Variants in SLCO4C1 observed in about 807,000 individuals in gnomAD.
SLCO4C1 encodes organic anion transporter M1.
SLCO4C1 carries 58 observed loss-of-function variants against 72.1 expected under a neutral mutation model. The ratio of observed to expected loss-of-function variants is 0.80; its 90% confidence interval spans 0.65 to 1.00. SLCO4C1 has a LOEUF of 1.00. SLCO4C1 is among the 50% of genes least tolerant of loss of function. SLCO4C1 has a pLI of 0.00. For synonymous variants in SLCO4C1, 297 were observed against 312.5 expected (o/e 0.95, Z 0.52); for missense variants, 898 against 857.9 (o/e 1.05, Z -0.58).
In SLCO4C1 at chr5:102,237,011, A is replaced by G. The variant is rs763713460; in HGVS notation, c.2022T>C (p.Thr674=). 1.3e-6 allele frequency: 2 copies of G among 1,589,616 alleles called. No individual in the cohort carries two copies. Among genetic ancestry groups the G allele is most frequent in the Admixed American group, 3.7e-5 (2 of 54,430 alleles). ...TGAAGAACATGGTGATAACTTTACA[A>G]GTAACACCTAAGTGAAAAAAAAAAT... ...MAHMLVAISV[T]CKVITMFFNG... The change falls in exon 13 of 13, where the codon ACT becomes ACC. Residue 674 remains threonine (T), a synonymous_variant. Coordinates refer to ENST00000310954, the MANE Select transcript of SLCO4C1 (RefSeq NM_180991.5).
In SLCO4C1 at chr5:102,257,209, A is replaced by C; in HGVS notation, c.1375T>G (p.Phe459Val). Reference sequence around the variant, plus strand: ...AGCGTAAGTGCAACTCCAGATGTGAACAGTGCAAACTTCATTGTGTTTTTA... The same window carrying C: ...AGCGTAAGTGCAACTCCAGATGTGACCAGTGCAAACTTCATTGTGTTTTTA... ...TCKNTMKFAL[F>V]TSGVALTLSF... is the part of the protein sequence containing the mutation. Residue 459 changes from phenylalanine to valine, a missense_variant, in exon 8 of 13, where the codon TTC (phenylalanine) becomes GTC (valine). Coordinates refer to ENST00000310954, the MANE Select transcript of SLCO4C1 (RefSeq NM_180991.5). The C allele has an allele frequency of 6.2e-7, 1 of 1,611,816 alleles. No individual in the cohort carries two copies. Among genetic ancestry groups the C allele is most frequent in the Non-Finnish European group, 8.5e-7 (1 of 1,179,188 alleles).
intron 2 of SLCO4C1, among the ~76,000 whole-genome samples, chr5:102,287,722 C>A (rs1192689586): frequency 2.0e-5 from 3 of 149,848 alleles, no homozygotes; most frequent in Non-Finnish European, 4.5e-5. Context: ...TTTTTTTTTT[C>A]TTTTTGTATT....
At chr5:102,246,152 A>G (rs1238606789) in intron 10 of SLCO4C1, among the ~76,000 whole-genome samples, 2 of 151,970 alleles carry the variant, frequency 1.3e-5, no homozygotes, top group Non-Finnish European at 2.9e-5. Context: ...CAAACCTAAA[A>G]TTAGTAGAAG....
Position 102,265,005 on chromosome 5 carries a change from G to A in SLCO4C1, c.803-1225C>T, listed in dbSNP as rs149111266. Among the ~76,000 whole-genome samples, 14 of 151,338 alleles carry A rather than the reference G, an allele frequency of 9.3e-5. No individual in the cohort carries two copies. In the East Asian group the frequency reaches 1.7e-3, roughly 19 times the overall value. On this transcript the variant is annotated intron_variant, in intron 3 of 12. Coordinates refer to ENST00000310954, the MANE Select transcript of SLCO4C1 (RefSeq NM_180991.5). Reference sequence around the variant, plus strand: ...TAGTATCCTGTTGTATATACATTTCGCATTTTCTTTATTCATCTGTTGACG... The same window carrying A: ...TAGTATCCTGTTGTATATACATTTCACATTTTCTTTATTCATCTGTTGACG...
chr5:102,257,966 G>C lies in SLCO4C1; in HGVS notation c.1250C>G (p.Ser417Cys). The stretch of plus-strand genomic sequence containing the variant: ...ACCTCCAAGAGTAGCTGCGAAGCTG[G>C]ATGTCAATCCGAATTGATTTTCTAT... ...KFIENQFGLT[S>C]SFAATLGGAV... is the part of the protein sequence containing the mutation. Residue 417 changes from serine (S) to cysteine (C), a missense_variant, in exon 7 of 13, where the codon TCC (serine) becomes TGC (cysteine). Coordinates refer to ENST00000310954, the MANE Select transcript of SLCO4C1 (RefSeq NM_180991.5). 1 of 1,605,478 alleles carries C rather than the reference G, an allele frequency of 6.2e-7. No homozygotes were observed. The highest frequency in any genetic ancestry group is 8.5e-7 in the Non-Finnish European group (1 of 1,177,416).
intron 2 of SLCO4C1, among the ~76,000 whole-genome samples, chr5:102,279,042 C>T (rs934083157): frequency 1.2e-4 from 18 of 151,412 alleles, no homozygotes; most frequent in African/African-American, 4.4e-4. Context: ...ATCAATGAAA[C>T]TAAAAGTTCA....
intron 8 of SLCO4C1, among the ~76,000 whole-genome samples, chr5:102,250,421 C>A (rs1177694583): frequency 6.6e-6 from 1 of 152,064 alleles, no homozygotes. Context: ...TCCCTTATAC[C>A]TCATTTATTT....
chr5:102,290,142 G>A (rs1749525594), intron 2 of SLCO4C1, among the ~76,000 whole-genome samples: 2 of 152,202 alleles, frequency 1.3e-5, no homozygotes, highest in Non-Finnish European at 2.9e-5. Context: ...ACTCAGGGCA[G>A]AAGGCAAAGG....
At chr5:102,248,742 C>A (rs56121549) in intron 9 of SLCO4C1, among the ~76,000 whole-genome samples, 17,879 of 152,072 alleles carry the variant, frequency 0.12, 1,253 homozygotes, top group African/African-American at 0.16. Context: ...GTATATATTT[C>A]CCTTAGATCC....
intron 2 of SLCO4C1, among the ~76,000 whole-genome samples, chr5:102,284,246 T>C (rs1459105305): frequency 6.6e-6 from 1 of 152,098 alleles, no homozygotes; most frequent in African/African-American, 2.4e-5. Context: ...CTGTCTTCTG[T>C]GGAAGGACAA....
At chr5:102,283,226 A>G (rs1194296705) in intron 2 of SLCO4C1, among the ~76,000 whole-genome samples, 2 of 152,082 alleles carry the variant, frequency 1.3e-5, no homozygotes, top group East Asian at 3.9e-4. Context: ...CATTGCTACT[A>G]TTTAATGAGC....
chr5:102,290,404 C>T (rs1355794672), intron 2 of SLCO4C1, among the ~76,000 whole-genome samples: 2 of 152,180 alleles, frequency 1.3e-5, no homozygotes, highest in Non-Finnish European at 2.9e-5. Flanking sequence ...GACCCCATTC[C>T]CAGGGCATTA....
intron 6 of SLCO4C1, 103 bp from the exon 7 acceptor site, chr5:102,258,190 C>G: frequency 2.1e-6 from 2 of 949,512 alleles, no homozygotes; most frequent in African/African-American, 3.4e-5. Flanking sequence ...TTACAATCAT[C>G]TGTAAAATTT....
chr5:102,295,814 A>C (rs76523033), intron 1 of SLCO4C1, 94 bp downstream of exon 1: 75,030 of 1,302,540 alleles, frequency 0.058, 2,461 homozygotes, highest in African/African-American at 0.1. Context: ...CCACCGTCCC[A>C]CGGACCCCGC....
intron 12 of SLCO4C1, 134 bp downstream of exon 12, chr5:102,239,117 G>T: frequency 1.5e-6 from 1 of 676,756 alleles, no homozygotes; most frequent in Non-Finnish European, 2.2e-6. Flanking sequence ...CTCTGCTTCA[G>T]GAAGACTACT....
Position 102,262,029 on chromosome 5 carries a change from C to G in SLCO4C1, c.904G>C (p.Asp302His). 6.2e-7 allele frequency: 1 copy of G among 1,611,782 alleles called. No homozygotes were observed. The highest frequency in any genetic ancestry group is 8.5e-7 in the Non-Finnish European group (1 of 1,178,886). ...YIDVAMGEST[D>H]VTEDDPRWLG... ...CATCGCGGATCATCCTCAGTGACAT[C>G]AGTGCTATATGATAGAAAAACAAGA... Residue 302 changes from aspartate (D) to histidine (H), a missense_variant, in exon 5 of 13, where the codon GAT becomes CAT. Asp to His is a moderately conservative substitution (Grantham distance 81). Coordinates refer to ENST00000310954, the MANE Select transcript of SLCO4C1 (RefSeq NM_180991.5).
rs1748417070 is a variant in SLCO4C1, at chr5:102,235,561, GT to G, written c.*1296del. 6.6e-6 allele frequency: 1 copy of G among 152,220 alleles called. No homozygotes were observed. Among genetic ancestry groups the G allele is most frequent in the African/African-American group, 2.4e-5 (1 of 41,450 alleles). 9.4% of individuals were successfully genotyped at this position (152,220 alleles called of 1,614,324 possible). A position where few individuals can be genotyped will look rare whatever the true frequency, so the allele number is the denominator to read the frequency against. On this transcript the variant is annotated 3_prime_UTR_variant, in exon 13 of 13. Transcript: ENST00000310954. The stretch of plus-strand genomic sequence containing the variant: ...AATCAATGCATCAGTTAAAGCAGGG[GT>G]CCCCAGCCCTGGGCTGTGTGTGGCC...
In SLCO4C1 at chr5:102,249,940, G is replaced by A. The variant is rs76954941; in HGVS notation, c.1470-152C>T. 2.1e-3 allele frequency: 1,562 copies of A among 756,872 alleles called. 22 individuals are homozygous for A. In the African/African-American group the frequency reaches 0.024, roughly 12 times the overall value. 46.9% of individuals were successfully genotyped at this position (756,872 alleles called of 1,614,324 possible). ...TAAAACGTCTTCCTTTGCACATAAA[G>A]TTTAACTTCTTGTCGGAGAGAGGCA... On this transcript the variant is annotated intron_variant, in intron 8 of 12. Transcript: ENST00000310954.
chr5:102,289,399 A>G (rs574336223), intron 2 of SLCO4C1, among the ~76,000 whole-genome samples: 14 of 152,338 alleles, frequency 9.2e-5, no homozygotes, highest in African/African-American at 3.4e-4. Flanking sequence ...TTTGTACTGG[A>G]AGAAGTATTT....
Sources: allele counts gnomAD v4.1 joint callset (sites outside exome capture counted in the v4.1 genomes callset), GRCh38; gene constraint gnomAD v4.1.1; transcripts MANE v1.5; gene names NCBI Gene and HGNC (gene_info 2026-07-23, HGNC 2026-07-21).